MTUS2: variants seen among roughly 807,000 people sequenced by gnomAD.
The protein encoded by MTUS2 is microtubule-associated tumor suppressor candidate 2.
Under a neutral mutation model 114.1 loss-of-function variants are expected in MTUS2, and 40 were observed. That is an observed-to-expected ratio of 0.35 (90% CI 0.27 to 0.46). The LOEUF (loss-of-function observed/expected upper bound fraction) is 0.46. MTUS2 is among the 20% of genes least tolerant of loss of function. The pLI, the probability that MTUS2 is intolerant of heterozygous loss-of-function variation, is 1.00. For missense variants in MTUS2, 1,679 were observed against 1,705.4 expected (o/e 0.98, Z 0.27); for synonymous variants, 688 against 672.0 (o/e 1.02, Z -0.37).
At chr13:29,117,336 G>A (rs1397387367) in intron 5 of MTUS2, among the ~76,000 whole-genome samples, 1 of 152,142 alleles carries the variant, frequency 6.6e-6, no homozygotes, top group Non-Finnish European at 1.5e-5. Context: ...ACCAGGTGCT[G>A]GACCCCTGTC....
chr13:29,466,644 AG>A (rs1879908271), intron 9 of MTUS2, among the ~76,000 whole-genome samples: 1 of 152,114 alleles, frequency 6.6e-6, no homozygotes, highest in South Asian at 2.1e-4. Flanking sequence ...TGGGAGGCTG[AG>A]GCAAGTGGAT....
chr13:29,324,198 A>G (rs911573980), intron 6 of MTUS2, among the ~76,000 whole-genome samples: 3 of 152,244 alleles, frequency 2.0e-5, no homozygotes. Flanking sequence ...TGCCGAAGTC[A>G]TTAGCAGCTA....
At chr13:29,321,380 T>G (rs1900248058) in intron 6 of MTUS2, among the ~76,000 whole-genome samples, 1 of 152,182 alleles carries the variant, frequency 6.6e-6, no homozygotes, top group Non-Finnish European at 1.5e-5. Flanking sequence ...AAACGAAAGC[T>G]TACCGTGTAT....
At chr13:29,325,962 A>G (rs1900494740) in intron 7 of MTUS2, among the ~76,000 whole-genome samples, 1 of 152,214 alleles carries the variant, frequency 6.6e-6, no homozygotes, top group Non-Finnish European at 1.5e-5. Flanking sequence ...AGCATGGAGA[A>G]TAGAGAACTT....
chr13:29,314,270 G>A (rs1190378173), intron 6 of MTUS2, among the ~76,000 whole-genome samples: 1 of 152,164 alleles, frequency 6.6e-6, no homozygotes, highest in African/African-American at 2.4e-5. Flanking sequence ...AACCTTACAT[G>A]TCATAATTGT....
At chr13:28,917,211 G>T (rs535396369) in intron 2 of MTUS2, among the ~76,000 whole-genome samples, 2 of 151,952 alleles carry the variant, frequency 1.3e-5, no homozygotes, top group South Asian at 4.2e-4. Flanking sequence ...AGAGATATTG[G>T]CCTGTGGTTT....
chr13:29,219,472 C>A (rs931796596), intron 5 of MTUS2, among the ~76,000 whole-genome samples: 8 of 152,072 alleles, frequency 5.3e-5, no homozygotes, highest in South Asian at 2.1e-4. Context: ...ATTTATAGTC[C>A]TTTGGGTATA....
intron 5 of MTUS2, among the ~76,000 whole-genome samples, chr13:29,144,515 C>CA (rs1395976926): frequency 6.6e-6 from 1 of 152,038 alleles, no homozygotes; most frequent in Non-Finnish European, 1.5e-5. Context: ...AGGAATGAGC[C>CA]ACTGTGGCCA....
At chr13:29,275,600 A>T (rs1413500854) in intron 5 of MTUS2, among the ~76,000 whole-genome samples, 1 of 152,146 alleles carries the variant, frequency 6.6e-6, no homozygotes, top group Non-Finnish European at 1.5e-5. Flanking sequence ...TAGCTTCCAT[A>T]GATAAGTGAG....
intron 2 of MTUS2, among the ~76,000 whole-genome samples, chr13:28,920,799 A>G (rs1881000575): frequency 6.6e-6 from 1 of 152,192 alleles, no homozygotes; most frequent in Non-Finnish European, 1.5e-5. Context: ...TTCCCTTTCC[A>G]TAGGCAGAGG....
chr13:29,105,657 C>T (rs1927841), intron 5 of MTUS2, among the ~76,000 whole-genome samples: 143,070 of 147,562 alleles, frequency 0.97, 69,446 homozygotes, highest in Non-Finnish European at 0.99. Flanking sequence ...CTGTTTTTTT[C>T]TTTTTTTCCT....
chr13:29,336,335 T>A (rs969333900), intron 7 of MTUS2, among the ~76,000 whole-genome samples: 1 of 152,202 alleles, frequency 6.6e-6, no homozygotes, highest in African/African-American at 2.4e-5. Context: ...TGTGTGGACG[T>A]CCTTTTTGTT....
At chr13:28,985,560 CTTTT>C (rs34218047) in intron 2 of MTUS2, among the ~76,000 whole-genome samples, 21 of 142,434 alleles carry the variant, frequency 1.5e-4, no homozygotes, top group African/African-American at 5.3e-4. Flanking sequence ...AAATGGTATT[CTTTT>C]TTTTTTTTTT....
At chr13:29,194,737 A>G (rs1447701365) in intron 5 of MTUS2, among the ~76,000 whole-genome samples, 46 of 151,690 alleles carry the variant, frequency 3.0e-4, no homozygotes, top group African/African-American at 1.0e-3. Flanking sequence ...CAGCCATCCC[A>G]TTACTGGGTA....
chr13:29,006,614 G>A (rs1885613126), intron 2 of MTUS2, among the ~76,000 whole-genome samples: 1 of 152,178 alleles, frequency 6.6e-6, no homozygotes, highest in African/African-American at 2.4e-5. Context: ...CCTCTGCTTT[G>A]TATGGATGGT....
intron 7 of MTUS2, among the ~76,000 whole-genome samples, chr13:29,347,352 G>A (rs1868796220): frequency 6.6e-6 from 1 of 151,982 alleles, no homozygotes; most frequent in South Asian, 2.1e-4. Context: ...GACACACTGG[G>A]TTTTCATCTT....
At chr13:28,828,914 G>A (rs952475706) in intron 1 of MTUS2, among the ~76,000 whole-genome samples, 23 of 151,884 alleles carry the variant, frequency 1.5e-4, no homozygotes, top group South Asian at 1.0e-3. Context: ...TTAATATTTC[G>A]TTCATCATGG....
rs570272009 is a variant in MTUS2, at chr13:29,031,421, G to T, written c.2206-2464G>T. 3.3e-5 allele frequency among the ~76,000 whole-genome samples: 5 copies of T among 152,032 alleles called. 1 individual carries two copies. The highest frequency in any genetic ancestry group is 1.2e-4 in the African/African-American group (5 of 41,466). ...CACATAATCTCTATATATATATATA[G>T]AGAGAGATTGATTGACTGATTGATT... On this transcript the variant is annotated intron_variant, in intron 3 of 15. Coordinates refer to ENST00000612955, the MANE Select transcript of MTUS2 (RefSeq NM_001033602.4).
intron 5 of MTUS2, among the ~76,000 whole-genome samples, chr13:29,268,510 C>T (rs1472487915): frequency 1.3e-5 from 2 of 152,150 alleles, no homozygotes; most frequent in Non-Finnish European, 2.9e-5. Context: ...TCTCCTCCTC[C>T]TGTCTGTGGC....
Sources: allele counts gnomAD v4.1 joint callset (sites outside exome capture counted in the v4.1 genomes callset), GRCh38; gene constraint gnomAD v4.1.1; transcripts MANE v1.5; gene names NCBI Gene and HGNC (gene_info 2026-07-23, HGNC 2026-07-21).